Variants in ITSN1 observed in about 807,000 individuals in gnomAD.
ITSN1 encodes intersectin-1.
A neutral mutation model predicts 239.8 loss-of-function variants in ITSN1; 58 were observed. The ratio of observed to expected loss-of-function variants is 0.24; its 90% CI spans 0.20 to 0.30. The LOEUF is 0.30. ITSN1 is among the 10% of genes least tolerant of loss of function. The pLI is 1.00. For missense variants in ITSN1, 1,558 were observed against 2,103.3 expected, an observed-to-expected ratio of 0.74 and a Z score of 5.07; for synonymous variants, 780 against 770.8, an observed-to-expected ratio of 1.01 and a Z score of -0.20.
chr21:33,780,688 CA>C (rs1387697726), intron 14 of ITSN1, among the ~76,000 whole-genome samples: 3 of 152,134 alleles, frequency 2.0e-5, no homozygotes, highest in African/African-American at 7.2e-5. Context: ...ACATAGAGCT[CA>C]TTTTTTATCA....
At position 33,761,070 on chromosome 21, in the gene ITSN1, G is replaced by C. The variant is rs199704107; in HGVS notation, c.725-853G>C. Among the ~76,000 whole-genome samples the C allele has an allele frequency of 8.6e-5, 13 of 150,662 alleles. No homozygotes were observed. The East Asian group carries it at 2.3e-3, about 27-fold the overall frequency. ...TTTTTTCTTGGCTAACATAGGAAATGTGTTTTGTTTTGTTTTTTTAATTGA... is the reference window on the plus strand; with the variant it reads ...TTTTTTCTTGGCTAACATAGGAAATCTGTTTTGTTTTGTTTTTTTAATTGA... On this transcript the variant is annotated intron_variant, in intron 8 of 39. Transcript: ENST00000381318.
chr21:33,751,741 A>G (rs2147491127), intron 6 of ITSN1, 69 bp from the exon 7 acceptor site: 3 of 1,240,808 alleles, frequency 2.4e-6, no homozygotes, highest in East Asian at 4.8e-5. Flanking sequence ...TGTGCATTTT[A>G]ATTTTTGTAA....
chr21:33,693,408 G>A (rs546818013), intron 1 of ITSN1, among the ~76,000 whole-genome samples: 1 of 152,116 alleles, frequency 6.6e-6, no homozygotes, highest in South Asian at 2.1e-4. Flanking sequence ...CCAGGCTGGA[G>A]TGCAATGGTG....
chr21:33,689,301 ATGT>A (rs2091397498), intron 1 of ITSN1: 1 of 152,182 alleles, frequency 6.6e-6, no homozygotes, highest in Non-Finnish European at 1.5e-5. Flanking sequence ...CTTGACAGTT[ATGT>A]AATTTGTGTC....
At position 33,758,641 on chromosome 21, in the gene ITSN1, A is replaced by G. The variant is rs967923005; in HGVS notation, c.724+3244A>G. Among the ~76,000 whole-genome samples the G allele has an allele frequency of 2.0e-5, 3 of 152,236 alleles. No homozygotes were observed. In the East Asian group the frequency reaches 5.8e-4, roughly 29 times the overall value. ...TGCTAGCCCTTCTTCTCAAAGAGGT[A>G]TTTTATTGTTGCATTCTGAAACAAT... On this transcript the variant is annotated intron_variant, in intron 8 of 39. Coordinates refer to ENST00000381318, the MANE Select transcript of ITSN1 (RefSeq NM_003024.3).
At chr21:33,675,193 G>C (rs75252101) in intron 1 of ITSN1, among the ~76,000 whole-genome samples, 6,724 of 152,052 alleles carry the variant, frequency 0.044, 505 homozygotes, top group African/African-American at 0.16. Context: ...CTTTGTTGTA[G>C]CTGATGCTCT....
chr21:33,767,718 T>C lies in ITSN1; in HGVS notation c.932T>C (p.Val311Ala), dbSNP rs756971499. The stretch of plus-strand genomic sequence containing the variant: ...CTTTTTCCCCGCAATTGCAGAAGAG[T>C]TCGATCTGGCAGTGGTATATCTGTC... ...PEYIPPSFRR[V>A]RSGSGISVIS... Residue 311 changes from valine to alanine, a missense_variant, in exon 11 of 40, where the codon GTT becomes GCT. Coordinates refer to ENST00000381318, the MANE Select transcript of ITSN1 (RefSeq NM_003024.3). The C allele has an allele frequency of 6.3e-7, 1 of 1,596,870 alleles. No homozygotes were observed.
intron 9 of ITSN1, 99 bp from the exon 10 acceptor site, chr21:33,765,776 C>G: frequency 8.0e-7 from 1 of 1,256,088 alleles, no homozygotes; most frequent in Non-Finnish European, 1.1e-6. Flanking sequence ...CTCAGTTGGC[C>G]TGTGGTCAAT....
At chr21:33,726,506 T>C (rs1193890686) in intron 4 of ITSN1, among the ~76,000 whole-genome samples, 5 of 151,676 alleles carry the variant, frequency 3.3e-5, no homozygotes, top group Admixed American at 3.3e-4. Context: ...AATTTTTTGC[T>C]TTTTTGTTTG....
chr21:33,658,623 A>G (rs972269967), intron 1 of ITSN1, among the ~76,000 whole-genome samples: 1 of 152,242 alleles, frequency 6.6e-6, no homozygotes, highest in Non-Finnish European at 1.5e-5. Context: ...TACTGGCTGC[A>G]TGACTGTACC....
intron 1 of ITSN1, among the ~76,000 whole-genome samples, chr21:33,657,100 T>A (rs148104717): frequency 3.3e-4 from 51 of 152,296 alleles, no homozygotes; most frequent in Non-Finnish European, 5.7e-4. Context: ...TGCATGATGC[T>A]GAGGTTTGGG....
intron 33 of ITSN1, among the ~76,000 whole-genome samples, chr21:33,870,860 G>C (rs1488766416): frequency 2.6e-5 from 4 of 152,192 alleles, no homozygotes; most frequent in Non-Finnish European, 4.4e-5. Flanking sequence ...CAGGGAGCTG[G>C]AAGAACACTT....
intron 33 of ITSN1, among the ~76,000 whole-genome samples, chr21:33,874,345 G>A (rs1219312334): frequency 6.6e-6 from 1 of 152,004 alleles, no homozygotes; most frequent in African/African-American, 2.4e-5. Context: ...GGTTCCAGAG[G>A]CGCGTGGACC....
At chr21:33,765,308 C>T (rs1289167785) in intron 9 of ITSN1, among the ~76,000 whole-genome samples, 1 of 152,120 alleles carries the variant, frequency 6.6e-6, no homozygotes, top group African/African-American at 2.4e-5. Context: ...TCAGCCTGGG[C>T]AACACAGTGA....
At position 33,895,171 on chromosome 21, in the gene ITSN1, G is replaced by A. The variant is rs1425213440; in HGVS notation, c.*6871G>A. On this transcript the variant is annotated 3_prime_UTR_variant, in exon 40 of 40. Transcript: ENST00000381318. The stretch of plus-strand genomic sequence containing the variant: ...TGCTCTTCCCTGCCGCTGAGGCTGG[G>A]GCTGCACGGAGGTCCTCAGGCTTCC... The A allele has an allele frequency of 6.6e-6, 1 of 152,312 alleles. No homozygotes were observed. The highest frequency in any genetic ancestry group is 2.4e-5 in the African/African-American group (1 of 41,454). 9.4% of individuals were successfully genotyped at this position (152,312 alleles called of 1,614,324 possible).
At chr21:33,811,912 G>T (rs1174539532) in intron 21 of ITSN1, among the ~76,000 whole-genome samples, 1 of 152,180 alleles carries the variant, frequency 6.6e-6, no homozygotes, top group Non-Finnish European at 1.5e-5. Context: ...TGAATAAGAA[G>T]TGTTTAAATT....
At chr21:33,649,741 G>C (rs956417986) in intron 1 of ITSN1, among the ~76,000 whole-genome samples, 3 of 152,156 alleles carry the variant, frequency 2.0e-5, no homozygotes, top group Non-Finnish European at 2.9e-5. Flanking sequence ...GTCTGGCCGG[G>C]CGTGGTGGCT....
intron 29 of ITSN1, among the ~76,000 whole-genome samples, chr21:33,853,409 TGGCCCCAGGCTCCTGG>T (rs374262876): frequency 5.5e-4 from 84 of 152,338 alleles, no homozygotes; most frequent in African/African-American, 2.0e-3. Flanking sequence ...TGTCCCCAAC[TGGCCCCAGGCTCCTGG>T]GATTCTTGGA....
intron 1 of ITSN1, among the ~76,000 whole-genome samples, chr21:33,690,775 GTATA>G (rs1160314187): frequency 1.9e-4 from 4 of 21,612 alleles, no homozygotes; most frequent in Non-Finnish European, 3.7e-4. Context: ...AAAAAAAAGT[GTATA>G]TATATATATA....
Sources: allele counts gnomAD v4.1 joint callset (sites outside exome capture counted in the v4.1 genomes callset), GRCh38; gene constraint gnomAD v4.1.1; transcripts MANE v1.5; gene names NCBI Gene and HGNC (gene_info 2026-07-23, HGNC 2026-07-21).